Variants in FUT9 observed in about 807,000 individuals in gnomAD.
The protein encoded by FUT9 is 4-galactosyl-N-acetylglucosaminide 3-alpha-L-fucosyltransferase 9.
In FUT9, 15 loss-of-function variants were observed where a neutral mutation model predicts 29.7. The ratio of observed to expected loss-of-function variants is 0.51; its 90% CI spans 0.34 to 0.78. The LOEUF (loss-of-function observed/expected upper bound fraction) is 0.78, where lower values mean the gene tolerates loss of function less well. Ranked by LOEUF, FUT9 falls within the 30% of genes least tolerant of loss-of-function variation. The probability of loss-of-function intolerance (pLI) is 0.01; values close to 1 mark genes in which losing one functional copy is unlikely to be tolerated. For synonymous variants in FUT9, 169 were observed against 153.7 expected (o/e 1.10, Z -0.74); for missense variants, 319 against 425.4 (o/e 0.75, Z 2.20).
Position 96,211,456 on chromosome 6 carries a change from G to A in FUT9, c.*7221G>A, listed in dbSNP as rs1432500544. 1 of 166,718 alleles carries A rather than the reference G, an allele frequency of 6.0e-6. No individual in the cohort carries two copies. The highest frequency in any genetic ancestry group is 2.1e-4 in the South Asian group (1 of 4,820). The allele number at this position is 166,718 out of a possible 1,614,324, so 10.3% of individuals were successfully genotyped here. A position where few individuals can be genotyped will look rare whatever the true frequency, so the allele number is the denominator to read the frequency against. ...TTGACTTAATCCATCACTTCAGCTG[G>A]TCCACTAGTTTTGACACAGGACTAG... On this transcript the variant is annotated 3_prime_UTR_variant, in exon 3 of 3. Transcript: ENST00000302103.
chr6:96,117,837 A>G (rs944478290), intron 2 of FUT9, among the ~76,000 whole-genome samples: 2 of 152,220 alleles, frequency 1.3e-5, no homozygotes, highest in East Asian at 3.8e-4. Flanking sequence ...CAAATTTTAT[A>G]TCATTAAAAA....
chr6:96,183,004 C>A (rs1773337825), intron 2 of FUT9, among the ~76,000 whole-genome samples: 1 of 151,788 alleles, frequency 6.6e-6, no homozygotes, highest in Non-Finnish European at 1.5e-5. Context: ...ATGGGAATTG[C>A]ATTGAATTTT....
intron 1 of FUT9, among the ~76,000 whole-genome samples, chr6:96,069,877 C>T (rs1322407441): frequency 6.6e-6 from 1 of 152,034 alleles, no homozygotes; most frequent in Non-Finnish European, 1.5e-5. Flanking sequence ...GTAACTTACC[C>T]TCCTCGGCCT....
chr6:96,169,113 G>A (rs1439888459), intron 2 of FUT9, among the ~76,000 whole-genome samples: 2 of 152,176 alleles, frequency 1.3e-5, no homozygotes, highest in East Asian at 1.9e-4. Context: ...GGCGCTGAAG[G>A]AGGGAGCTGG....
intron 1 of FUT9, among the ~76,000 whole-genome samples, chr6:96,064,726 A>G (rs1770934244): frequency 6.6e-6 from 1 of 152,040 alleles, no homozygotes; most frequent in Non-Finnish European, 1.5e-5. Flanking sequence ...CTTTATCTTT[A>G]TCTTTCACCT....
chr6:96,095,785 G>A lies in FUT9; in HGVS notation c.-97-18254G>A, dbSNP rs556911613. Among the ~76,000 whole-genome samples the A allele has an allele frequency of 2.6e-5, 4 of 152,200 alleles. No individual in the cohort carries two copies. The South Asian group carries it at 8.3e-4, about 32-fold the overall frequency. ...ACAGACCTTTGCACCAGGCTGTCTG[G>A]CTTTGAATTACAGCTCAACTAGTTT... On this transcript the variant is annotated intron_variant, in intron 1 of 2. Coordinates refer to ENST00000302103, the MANE Select transcript of FUT9 (RefSeq NM_006581.4).
At position 96,167,439 on chromosome 6, in the gene FUT9, T is replaced by C. The variant is rs555253789; in HGVS notation, c.-8-35709T>C. 3.8e-4 allele frequency among the ~76,000 whole-genome samples: 58 copies of C among 152,244 alleles called. 3 individuals are homozygous for C. In the South Asian group the frequency reaches 0.011, roughly 30 times the overall value. On this transcript the variant is annotated intron_variant, in intron 2 of 2. Transcript: ENST00000302103. ...ACAAGGTGGAGGGGTAATATGGAAATTGCAAATATAGCTAATGTTTATTAA... is the reference window on the plus strand; with the variant it reads ...ACAAGGTGGAGGGGTAATATGGAAACTGCAAATATAGCTAATGTTTATTAA...
chr6:96,184,712 G>C (rs1773373465), intron 2 of FUT9, among the ~76,000 whole-genome samples: 1 of 151,988 alleles, frequency 6.6e-6, no homozygotes, highest in South Asian at 2.1e-4. Flanking sequence ...TTGTTGACCT[G>C]ATGATTATTC....
At chr6:96,174,580 A>T (rs1773170945) in intron 2 of FUT9, among the ~76,000 whole-genome samples, 1 of 152,144 alleles carries the variant, frequency 6.6e-6, no homozygotes. Flanking sequence ...CTTCTGGCAG[A>T]AATAGACACA....
chr6:96,143,740 A>T (rs1772510026), intron 2 of FUT9, among the ~76,000 whole-genome samples: 1 of 152,162 alleles, frequency 6.6e-6, no homozygotes, highest in Non-Finnish European at 1.5e-5. Flanking sequence ...CGTTGGGTGG[A>T]TTGAAATTTT....
intron 2 of FUT9, among the ~76,000 whole-genome samples, chr6:96,124,435 C>A (rs1291861044): frequency 6.6e-6 from 1 of 152,110 alleles, no homozygotes; most frequent in African/African-American, 2.4e-5. Context: ...CAGGCGTGAG[C>A]CACTGTGCCT....
At chr6:96,170,952 CT>C (rs1773102217) in intron 2 of FUT9, among the ~76,000 whole-genome samples, 2 of 152,102 alleles carry the variant, frequency 1.3e-5, no homozygotes, top group South Asian at 2.1e-4. Flanking sequence ...ACTCATTCTG[CT>C]TTTTTCCCCC....
chr6:96,124,076 A>G (rs1772084346), intron 2 of FUT9, among the ~76,000 whole-genome samples: 1 of 151,978 alleles, frequency 6.6e-6, no homozygotes. Flanking sequence ...TTATATAATT[A>G]CACATTTTGT....
Position 96,206,422 on chromosome 6 carries a change from G to A in FUT9, c.*2187G>A, listed in dbSNP as rs1773830940. 6.0e-6 allele frequency: 1 copy of A among 166,950 alleles called. No homozygotes were observed. Among genetic ancestry groups the A allele is most frequent in the Admixed American group, 6.6e-5 (1 of 15,246 alleles). The allele number at this position is 166,950 out of a possible 1,614,324, so 10.3% of individuals were successfully genotyped here. A position where few individuals can be genotyped will look rare whatever the true frequency, so the allele number is the denominator to read the frequency against. On this transcript the variant is annotated 3_prime_UTR_variant, in exon 3 of 3. Coordinates refer to ENST00000302103, the MANE Select transcript of FUT9 (RefSeq NM_006581.4). Reference sequence around the variant, plus strand: ...TCTATAAAAAGCATAGAGATCTAAAGAGGATACACTGCTAACAAGTTTAGA... The same window carrying A: ...TCTATAAAAAGCATAGAGATCTAAAAAGGATACACTGCTAACAAGTTTAGA...
intron 2 of FUT9, among the ~76,000 whole-genome samples, chr6:96,153,264 T>G (rs1233123904): frequency 6.6e-6 from 1 of 152,176 alleles, no homozygotes; most frequent in African/African-American, 2.4e-5. Flanking sequence ...TCAGACCATC[T>G]GGGACTGTAT....
chr6:96,077,167 T>C (rs1413637600), intron 1 of FUT9, among the ~76,000 whole-genome samples: 2 of 152,184 alleles, frequency 1.3e-5, no homozygotes, highest in African/African-American at 2.4e-5. Context: ...ATCAATGCTA[T>C]TGTTGTTTTT....
chr6:96,078,167 A>C (rs754048642), intron 1 of FUT9, among the ~76,000 whole-genome samples: 37 of 151,926 alleles, frequency 2.4e-4, no homozygotes, highest in Admixed American at 5.2e-4. Flanking sequence ...TCTCCCTTTC[A>C]ATTTTTTCTA....
chr6:96,190,754 C>CCAT (rs1773491418), intron 2 of FUT9, among the ~76,000 whole-genome samples: 1 of 152,138 alleles, frequency 6.6e-6, no homozygotes, highest in Admixed American at 6.5e-5. Flanking sequence ...GTTTTCCGCT[C>CCAT]CATCAGGTCC....
chr6:96,135,695 TG>T (rs764682854), intron 2 of FUT9, among the ~76,000 whole-genome samples: 1 of 151,918 alleles, frequency 6.6e-6, no homozygotes, highest in Non-Finnish European at 1.5e-5. Flanking sequence ...ATAAAGTTTC[TG>T]TTGTAGAAGA....
Sources: allele counts gnomAD v4.1 joint callset (sites outside exome capture counted in the v4.1 genomes callset), GRCh38; gene constraint gnomAD v4.1.1; transcripts MANE v1.5; gene names NCBI Gene and HGNC (gene_info 2026-07-23, HGNC 2026-07-21).